Variants in CEP152 observed in about 807,000 individuals in gnomAD.
CEP152 encodes the protein centrosomal protein of 152 kDa.
Under a neutral mutation model 188.9 loss-of-function variants are expected in CEP152, and 132 were observed. The ratio of observed to expected loss-of-function variants is 0.70; its 90% CI spans 0.61 to 0.81. CEP152 has a LOEUF of 0.81. CEP152 is among the 30% of genes least tolerant of loss of function. CEP152 has a pLI of 0.00. For missense variants in CEP152, 1,914 were observed against 1,969.8 expected (o/e 0.97, Z 0.54); for synonymous variants, 649 against 666.6 (o/e 0.97, Z 0.41).
chr15:48,744,372 C>T (rs757421977), intron 23 of CEP152, 29 bp from the exon 24 acceptor site: 1 of 1,613,480 alleles, frequency 6.2e-7, no homozygotes, highest in Admixed American at 1.7e-5. Flanking sequence ...ATTACAAAAA[C>T]AGAAATGGTA....
At chr15:48,744,201 G>C in intron 24 of CEP152, 39 bp downstream of exon 24, 1 of 1,609,150 alleles carries the variant, frequency 6.2e-7, no homozygotes, top group African/African-American at 1.3e-5. Context: ...TAATAAAAAA[G>C]GCCCAAGCCA....
intron 6 of CEP152, among the ~76,000 whole-genome samples, chr15:48,795,089 C>A (rs770139972): frequency 5.3e-5 from 8 of 152,180 alleles, no homozygotes; most frequent in Non-Finnish European, 1.0e-4. Flanking sequence ...ATTACACTGG[C>A]TCTTCAATAT....
intron 11 of CEP152, among the ~76,000 whole-genome samples, chr15:48,781,850 C>T (rs1295408944): frequency 6.6e-6 from 1 of 152,150 alleles, no homozygotes; most frequent in African/African-American, 2.4e-5. Context: ...ACATTCCCCA[C>T]CCCCATAGAT....
rs1376812539 is a variant in CEP152 at position 48,782,248 on chromosome 15, A to G, written c.1322-18T>C. ...TACTGACCCTGCAGAGGAAAGAACC[A>G]TAGGATATACTGAAAAAATTAAGGG... On this transcript the variant is annotated intron_variant, in intron 10 of 26. Coordinates refer to ENST00000380950, the MANE Select transcript of CEP152 (RefSeq NM_001194998.2). 1.2e-6 allele frequency: 2 copies of G among 1,610,402 alleles called. No individual in the cohort carries two copies. The highest frequency in any genetic ancestry group is 2.7e-5 in the African/African-American group (2 of 74,848).
downstream of CEP152, among the ~76,000 whole-genome samples, chr15:48,734,587 T>TAAAAAA (rs34623932): frequency 7.8e-6 from 1 of 128,942 alleles, no homozygotes; most frequent in Non-Finnish European, 1.7e-5. Context: ...GCTTCTCTGA[T>TAAAAAA]AAAAAAAAAA....
In CEP152 at chr15:48,752,393, T is replaced by G. The variant is rs1487887141; in HGVS notation, c.3422A>C (p.His1141Pro). The change falls in exon 21 of 27, where the codon CAC (histidine) becomes CCC (proline). Residue 1141 changes from histidine to proline, a missense_variant. Physicochemically the swap from His to Pro is moderately conservative, Grantham distance 77 (BLOSUM62 -2). Coordinates refer to ENST00000380950, the MANE Select transcript of CEP152 (RefSeq NM_001194998.2). ...GQGDPGPAAG[H>P]HAQPLALQAT... is the part of the protein sequence containing the mutation. ...TTGTAAGGCCAAGGGCTGAGCATGG[T>G]GTCCAGCAGCAGGTCCAGGGTCTCC... 1.2e-6 allele frequency: 2 copies of G among 1,613,906 alleles called. No individual in the cohort carries two copies. The highest frequency in any genetic ancestry group is 1.7e-6 in the Non-Finnish European group (2 of 1,180,034).
intron 21 of CEP152, 102 bp from the exon 22 acceptor site, chr15:48,748,712 C>T (rs911905122): frequency 1.6e-6 from 2 of 1,219,058 alleles, no homozygotes; most frequent in Non-Finnish European, 2.1e-6. Context: ...TGACTCATGA[C>T]TAAAGGCTAC....
At chr15:48,771,704 T>A (rs1442851865) in intron 13 of CEP152, among the ~76,000 whole-genome samples, 1 of 152,194 alleles carries the variant, frequency 6.6e-6, no homozygotes, top group Non-Finnish European at 1.5e-5. Flanking sequence ...CCTAATAAAA[T>A]CATTATAAGT....
At chr15:48,777,382 C>T (rs1895980787) in intron 12 of CEP152, among the ~76,000 whole-genome samples, 4 of 151,534 alleles carry the variant, frequency 2.6e-5, no homozygotes, top group East Asian at 1.9e-4. Context: ...TTTAAAAAAC[C>T]TTTATTAGAA....
At chr15:48,747,934 G>A (rs558984927) in intron 22 of CEP152, among the ~76,000 whole-genome samples, 1 of 152,218 alleles carries the variant, frequency 6.6e-6, no homozygotes, top group African/African-American at 2.4e-5. Context: ...TATCTCAAAC[G>A]TTGTTCTCCT....
Position 48,791,267 on chromosome 15 carries a change from C to T in CEP152, c.942G>A (p.Gln314=). The part of the protein sequence containing the change: ...LEAQIKALET[Q]IQALKVNEEQ... ...CTTCATTGACTTTTAATGCTTGTAT[C>T]TGAGTCTCCAGTGCTTTTATTTGAG... Residue 314 remains glutamine, a synonymous_variant, in exon 8 of 27, where the codon CAG becomes CAA. Coordinates refer to ENST00000380950, the MANE Select transcript of CEP152 (RefSeq NM_001194998.2). 6.2e-7 allele frequency: 1 copy of T among 1,612,722 alleles called. No individual in the cohort carries two copies. Among genetic ancestry groups the T allele is most frequent in the South Asian group, 1.1e-5 (1 of 91,030 alleles).
downstream of CEP152, among the ~76,000 whole-genome samples, chr15:48,734,940 A>G (rs1212008922): frequency 2.0e-5 from 3 of 152,222 alleles, no homozygotes; most frequent in African/African-American, 7.2e-5. Context: ...ACAATATCTC[A>G]CTCTTAATAA....
Position 48,760,209 on chromosome 15 carries a change from C to A in CEP152, c.2620G>T (p.Ala874Ser), listed in dbSNP as rs749021075. The A allele has an allele frequency of 6.2e-7, 1 of 1,614,100 alleles. No individual in the cohort carries two copies. The highest frequency in any genetic ancestry group is 1.7e-5 in the Admixed American group (1 of 60,026). ...QRWLGELPEL[A>S]EYQALVKAEQ... is the part of the protein sequence containing the mutation. ...GCCTTCACAAGTGCTTGATACTCTG[C>A]CAGCTCTGGTAGTTCTCCCAGCCAT... Residue 874 changes from alanine to serine, a missense_variant, in exon 19 of 27, where the codon GCA becomes TCA. By Grantham distance (99) the Ala-to-Ser change is moderately conservative (BLOSUM62 1). Transcript: ENST00000380950.
intron 11 of CEP152, 59 bp downstream of exon 11, chr15:48,782,080 G>A (rs757876823): frequency 6.2e-6 from 9 of 1,453,182 alleles, no homozygotes; most frequent in Non-Finnish European, 8.7e-6. Context: ...TCAAAAAGGT[G>A]ATGTAACTAC....
chr15:48,763,849 T>C (rs1200195247), intron 17 of CEP152, among the ~76,000 whole-genome samples: 3 of 152,210 alleles, frequency 2.0e-5, no homozygotes, highest in African/African-American at 7.2e-5. Context: ...CTTCTGAGAC[T>C]GCCCATTACT....
rs866044855 is a variant in CEP152, at chr15:48,780,954, T to C, written c.1577+242A>G. 3.3e-5 allele frequency among the ~76,000 whole-genome samples: 5 copies of C among 152,252 alleles called. No individual in the cohort carries two copies. The Middle Eastern group carries it at 0.014, about 414-fold the overall frequency. On this transcript the variant is annotated intron_variant, in intron 12 of 26. Coordinates refer to ENST00000380950, the MANE Select transcript of CEP152 (RefSeq NM_001194998.2). ...TTCCTACTATGAGATTGCTAAAATA[T>C]CTGTATTAAGCAGTAATATAAAAGA... is the stretch of plus-strand genomic sequence containing the variant.
At chr15:48,742,254 T>C (rs930661743) in intron 24 of CEP152, among the ~76,000 whole-genome samples, 154 bp from the exon 25 acceptor site, 17 of 152,272 alleles carry the variant, frequency 1.1e-4, no homozygotes, top group Non-Finnish European at 2.1e-4. Context: ...AAATGGAATA[T>C]TTTAGATCAT....
rs761381684 is a variant in CEP152 at position 48,762,644 on chromosome 15, T to G, written c.2309A>C (p.Glu770Ala). 13 of 1,613,938 alleles carry G rather than the reference T, an allele frequency of 8.1e-6. No individual in the cohort carries two copies. The highest frequency in any genetic ancestry group is 1.7e-4 in the Middle Eastern group (1 of 6,060). ...ATCCAGCTTAGACTGCCACTCCTTT[T>G]CAAGCTGTTGAATGAGTTTTTCTTT... is the stretch of plus-strand genomic sequence containing the variant. ...KIKEKLIQQL[E>A]KEWQSKLDQT... Residue 770 changes from glutamate to alanine, a missense_variant, in exon 18 of 27, where the codon GAA becomes GCA. Glu to Ala is a moderately radical substitution (Grantham distance 107). Coordinates refer to ENST00000380950, the MANE Select transcript of CEP152 (RefSeq NM_001194998.2).
intron 20 of CEP152, among the ~76,000 whole-genome samples, chr15:48,753,900 A>T (rs975408014): frequency 6.6e-6 from 1 of 152,164 alleles, no homozygotes; most frequent in African/African-American, 2.4e-5. Context: ...TGTCTCAGTT[A>T]TTTTAATGAG....
Sources: allele counts gnomAD v4.1 joint callset (sites outside exome capture counted in the v4.1 genomes callset), GRCh38; gene constraint gnomAD v4.1.1; transcripts MANE v1.5; gene names NCBI Gene and HGNC (gene_info 2026-07-23, HGNC 2026-07-21).